KCNC1: variants seen among roughly 807,000 people sequenced by gnomAD.
KCNC1 encodes the protein potassium voltage-gated channel subfamily C member 1.
KCNC1 carries 8 observed loss-of-function variants against 43.4 expected under a neutral mutation model. The ratio of observed to expected loss-of-function variants is 0.18; its 90% CI spans 0.11 to 0.33. KCNC1 has a LOEUF of 0.33. Among genes scored for constraint, KCNC1 ranks in the 10% least tolerant of loss-of-function variants. The pLI is 1.00. For synonymous variants in KCNC1, 361 were observed against 360.5 expected (o/e 1.00, Z -0.01); for missense variants, 420 against 836.0 (o/e 0.50, Z 6.14).
Position 17,773,429 on chromosome 11 carries a change from G to A in KCNC1, c.1504+831G>A. The A allele has an allele frequency of 1.0e-6, 1 of 985,350 alleles. No individual in the cohort carries two copies. Among genetic ancestry groups the A allele is most frequent in the Non-Finnish European group, 1.2e-6 (1 of 829,944 alleles). The allele number at this position is 985,350 out of a possible 1,614,324, so 61.0% of individuals were successfully genotyped here. A position where few individuals can be genotyped will look rare whatever the true frequency, so the allele number is the denominator to read the frequency against. Reference sequence around the variant, plus strand: ...GGGGGCCACCACCCTGGGCAGCTTAGATGAAAGCGCTACAGACCAGCAACA... The same window carrying A: ...GGGGGCCACCACCCTGGGCAGCTTAAATGAAAGCGCTACAGACCAGCAACA... On this transcript the variant is annotated intron_variant, in intron 2 of 3. Transcript: ENST00000265969. This position sits in a 1 kb window ranked among gnomAD's most constrained non-coding sequence, Gnocchi z 4.1.
chr11:17,772,105 G>C lies in KCNC1; in HGVS notation c.1011G>C (p.Thr337=). The C allele has an allele frequency of 6.2e-7, 1 of 1,613,670 alleles. No individual in the cohort carries two copies. The highest frequency in any genetic ancestry group is 8.5e-7 in the Non-Finnish European group (1 of 1,179,924). The stretch of plus-strand genomic sequence containing the variant: ...TGGGCCTGCGGGTCCTGGGCCACAC[G>C]CTCCGAGCCAGCACCAACGAGTTCC... ...HFVGLRVLGH[T]LRASTNEFLL... The change falls in exon 2 of 4, where the codon ACG becomes ACC. Residue 337 remains threonine (T), a synonymous_variant. Transcript: ENST00000265969.
intron 1 of KCNC1, among the ~76,000 whole-genome samples, chr11:17,753,957 G>T (rs1478872545): frequency 6.6e-6 from 1 of 152,214 alleles, no homozygotes; most frequent in African/African-American, 2.4e-5. Context: ...GCCTTCAGCT[G>T]GCCTGTCTGC....
chr11:17,760,795 G>A (rs578111972), intron 1 of KCNC1, among the ~76,000 whole-genome samples: 174 of 152,354 alleles, frequency 1.1e-3, no homozygotes, highest in African/African-American at 4.0e-3. Context: ...CCTCAGGCAA[G>A]ATTCTTTCCC....
chr11:17,757,783 TC>T (rs1173849524), intron 1 of KCNC1, among the ~76,000 whole-genome samples: 1 of 152,266 alleles, frequency 6.6e-6, no homozygotes, highest in African/African-American at 2.4e-5. Context: ...AATGTACATA[TC>T]TTAATTTTTA....
chr11:17,776,397 C>T lies in KCNC1; in HGVS notation c.1505-3059C>T, dbSNP rs182820085. 4.2e-4 allele frequency: 414 copies of T among 985,436 alleles called. 6 individuals carry two copies. The East Asian group carries it at 0.033, about 77-fold the overall frequency. The allele number at this position is 985,436 out of a possible 1,614,324, so 61.0% of individuals were successfully genotyped here. The stretch of plus-strand genomic sequence containing the variant: ...AGCAACCCCCAACCCACCCCAGCCC[C>T]GCGTGCGCCCCTCCGGTGCCCGCAG... On this transcript the variant is annotated intron_variant, in intron 2 of 3. Coordinates refer to ENST00000265969, the MANE Select transcript of KCNC1 (RefSeq NM_001112741.2). This position sits in a 1 kb window ranked among gnomAD's most constrained non-coding sequence, Gnocchi z 4.4.
chr11:17,767,748 A>T (rs558566981), intron 1 of KCNC1, among the ~76,000 whole-genome samples: 8 of 152,322 alleles, frequency 5.3e-5, no homozygotes, highest in African/African-American at 1.4e-4. Flanking sequence ...GCAGGCGCCC[A>T]GGGAGCCTGA....
At chr11:17,768,317 G>A (rs1293250031) in intron 1 of KCNC1, among the ~76,000 whole-genome samples, 7 of 152,172 alleles carry the variant, frequency 4.6e-5, no homozygotes, top group South Asian at 4.1e-4. Flanking sequence ...ACAAAACCAC[G>A]GAGGTGGGGA....
chr11:17,749,337 C>G (rs1848938893), intron 1 of KCNC1, among the ~76,000 whole-genome samples: 1 of 152,254 alleles, frequency 6.6e-6, no homozygotes, highest in Non-Finnish European at 1.5e-5. Flanking sequence ...GTGGGATGCT[C>G]TGCAGACACT....
intron 3 of KCNC1, chr11:17,780,630 G>A (rs1849335465): frequency 6.6e-6 from 1 of 152,440 alleles, no homozygotes; most frequent in East Asian, 1.9e-4. Flanking sequence ...AAGAGGAGCT[G>A]GGTTTTTGAA....
intron 2 of KCNC1, 64 bp downstream of exon 2, chr11:17,772,662 C>T (rs1361644946): frequency 6.4e-7 from 1 of 1,573,892 alleles, no homozygotes; most frequent in Non-Finnish European, 8.6e-7. Flanking sequence ...AGCGATGATT[C>T]CAGATCCAGT....
intron 1 of KCNC1, among the ~76,000 whole-genome samples, chr11:17,756,890 G>A (rs987118296): frequency 2.0e-5 from 3 of 152,216 alleles, no homozygotes; most frequent in Non-Finnish European, 4.4e-5. Flanking sequence ...AGATTTATAA[G>A]TGGAAGTAAT....
In KCNC1 at chr11:17,734,998, G is replaced by C. The variant is rs1848746707; in HGVS notation, c.-1005G>C. The C allele has an allele frequency of 6.6e-6, 1 of 151,562 alleles. No individual in the cohort carries two copies. Among genetic ancestry groups the C allele is most frequent in the African/African-American group, 2.4e-5 (1 of 41,348 alleles). 9.4% of individuals were successfully genotyped at this position (151,562 alleles called of 1,614,324 possible). Reference sequence around the variant, plus strand: ...AGCGCCCACCGCCTGCCCGAAGCGAGGAGCGGAGTGCGGGGCGCAGAGGCA... The same window carrying C: ...AGCGCCCACCGCCTGCCCGAAGCGACGAGCGGAGTGCGGGGCGCAGAGGCA... On this transcript the variant is annotated 5_prime_UTR_variant, in exon 1 of 4. Transcript: ENST00000265969.
Position 17,770,898 on chromosome 11 carries a change from C to T in KCNC1, c.571-767C>T, listed in dbSNP as rs116239787. Among the ~76,000 whole-genome samples the T allele has an allele frequency of 9.3e-3, 1,409 of 152,284 alleles. 23 individuals carry two copies. The highest frequency in any genetic ancestry group is 0.032 in the African/African-American group (1,341 of 41,548). The stretch of plus-strand genomic sequence containing the variant: ...TGGGGATCCCTGGTGCAATTCTCCT[C>T]CTGATGCCTGAATCCTCAAACAGTC... On this transcript the variant is annotated intron_variant, in intron 1 of 3. Coordinates refer to ENST00000265969, the MANE Select transcript of KCNC1 (RefSeq NM_001112741.2).
At position 17,772,862 on chromosome 11, in the gene KCNC1, C is replaced by A. The variant is rs149767858; in HGVS notation, c.1504+264C>A. ...CTCGTGATGTTCTGAAGAGACAACG[C>A]GGCCCGCCAGGTTGCTGAGGACTAA... On this transcript the variant is annotated intron_variant, in intron 2 of 3. Coordinates refer to ENST00000265969, the MANE Select transcript of KCNC1 (RefSeq NM_001112741.2). The A allele has an allele frequency of 3.8e-6, 5 of 1,312,596 alleles. No individual in the cohort carries two copies. The African/African-American group carries it at 6.0e-5, about 16-fold the overall frequency. 81.3% of individuals were successfully genotyped at this position (1,312,596 alleles called of 1,614,324 possible).
At chr11:17,767,131 TA>T (rs67189869) in intron 1 of KCNC1, among the ~76,000 whole-genome samples, 96,220 of 136,910 alleles carry the variant, frequency 0.7, 33,751 homozygotes, top group East Asian at 0.98. Context: ...GACTCTGTCT[TA>T]AAAAAAAAAA....
At chr11:17,768,869 G>C (rs1198854145) in intron 1 of KCNC1, among the ~76,000 whole-genome samples, 2 of 152,216 alleles carry the variant, frequency 1.3e-5, no homozygotes, top group Admixed American at 1.3e-4. Flanking sequence ...CGGCCTTCTA[G>C]GGGGGATCTG....
At chr11:17,761,949 A>G (rs1353482405) in intron 1 of KCNC1, among the ~76,000 whole-genome samples, 2 of 151,776 alleles carry the variant, frequency 1.3e-5, no homozygotes, top group Non-Finnish European at 2.9e-5. Flanking sequence ...TTCCCCACCA[A>G]CCACCTCCAG....
intron 1 of KCNC1, among the ~76,000 whole-genome samples, chr11:17,746,108 G>C (rs2107580): frequency 0.77 from 117,454 of 152,110 alleles, 46,027 homozygotes; most frequent in East Asian, 0.9. Flanking sequence ...CATGGGCACC[G>C]TGCATTTGAA....
At chr11:17,769,931 A>T (rs1465178565) in intron 1 of KCNC1, among the ~76,000 whole-genome samples, 1 of 152,222 alleles carries the variant, frequency 6.6e-6, no homozygotes, top group East Asian at 1.9e-4. Flanking sequence ...CTCAGAACAG[A>T]TCATATCTAC....
Sources: gnomAD v4.1 joint callset for allele counts (sites outside exome capture counted in the v4.1 genomes callset) on GRCh38, gnomAD v4.1.1 for gene constraint, Gnocchi (gnomAD v3.1) non-coding constraint, MANE v1.5 for transcripts, NCBI Gene and HGNC (gene_info 2026-07-23, HGNC 2026-07-21) for gene names.